KCNH8: variants seen among roughly 807,000 people sequenced by gnomAD.
KCNH8 encodes potassium voltage-gated channel subfamily H member 8, also known as voltage-gated delayed rectifier potassium channel KCNH8.
KCNH8 carries 70 observed loss-of-function variants against 103.6 expected under a neutral mutation model. The observed-to-expected ratio is 0.68, with a 90% CI of 0.56 to 0.82. The LOEUF is 0.82. KCNH8 is among the 40% of genes least tolerant of loss of function. The probability of loss-of-function intolerance (pLI) is 0.00; values close to 1 mark genes in which losing one functional copy is unlikely to be tolerated. For synonymous variants in KCNH8, 498 were observed against 489.4 expected (o/e 1.02, Z -0.23); for missense variants, 1,217 against 1,329.9 (o/e 0.92, Z 1.32).
chr3:19,245,760 G>A (rs1172126466), intron 1 of KCNH8, among the ~76,000 whole-genome samples: 1 of 152,100 alleles, frequency 6.6e-6, no homozygotes, highest in Admixed American at 6.6e-5. Flanking sequence ...TTGGTGTATA[G>A]AAATGGTATT....
At chr3:19,204,641 T>C (rs2063696424) in intron 1 of KCNH8, among the ~76,000 whole-genome samples, 1 of 151,992 alleles carries the variant, frequency 6.6e-6, no homozygotes, top group South Asian at 2.1e-4. Context: ...ATTGTAAATG[T>C]AAAAAAATAT....
At chr3:19,356,848 T>C (rs192660768) in intron 5 of KCNH8, among the ~76,000 whole-genome samples, 2 of 152,034 alleles carry the variant, frequency 1.3e-5, no homozygotes, top group Admixed American at 1.3e-4. Context: ...TCTTTATTTA[T>C]GGCAATGAGG....
chr3:19,503,218 C>G (rs1225868102), intron 11 of KCNH8, among the ~76,000 whole-genome samples: 2 of 151,544 alleles, frequency 1.3e-5, no homozygotes, highest in Non-Finnish European at 2.9e-5. Flanking sequence ...CAAATCAAAA[C>G]CACAATGAGA....
At chr3:19,525,296 A>C (rs940499848) in intron 15 of KCNH8, among the ~76,000 whole-genome samples, 2 of 151,924 alleles carry the variant, frequency 1.3e-5, no homozygotes, top group African/African-American at 4.8e-5. Context: ...ACTGGCATCA[A>C]CTTGAGCTTA....
intron 2 of KCNH8, among the ~76,000 whole-genome samples, chr3:19,265,929 C>T (rs1162903683): frequency 6.6e-6 from 1 of 152,084 alleles, no homozygotes; most frequent in Non-Finnish European, 1.5e-5. Flanking sequence ...TGCTTCCTGA[C>T]ACTGTCTTAG....
chr3:19,311,038 ACCT>A (rs1559471166), intron 3 of KCNH8, among the ~76,000 whole-genome samples: 1 of 151,442 alleles, frequency 6.6e-6, no homozygotes, highest in Non-Finnish European at 1.5e-5. Flanking sequence ...CCAGAAGGTC[ACCT>A]CCTTTCCCGT....
At chr3:19,258,935 CTCTCTCTCTCTCTATATATATATATATA>C (rs1398566568) in intron 2 of KCNH8, among the ~76,000 whole-genome samples, 12 of 83,446 alleles carry the variant, frequency 1.4e-4, no homozygotes, top group Non-Finnish European at 2.5e-5. Flanking sequence ...CTCTCTCTCT[CTCTCTCTCTCTCTATATATATATATATA>C]TATATATATA....
chr3:19,365,844 G>T (rs1022291381), intron 5 of KCNH8, among the ~76,000 whole-genome samples: 3 of 152,032 alleles, frequency 2.0e-5, no homozygotes, highest in Non-Finnish European at 4.4e-5. Flanking sequence ...GCCACGCAAA[G>T]TATAATTGAG....
chr3:19,459,435 C>G (rs903500341), intron 11 of KCNH8, among the ~76,000 whole-genome samples: 3 of 151,610 alleles, frequency 2.0e-5, no homozygotes, highest in Non-Finnish European at 4.4e-5. Context: ...TATTTAATTT[C>G]TTGTTATTGA....
At chr3:19,520,618 CAT>C (rs1329215036) in intron 15 of KCNH8, among the ~76,000 whole-genome samples, 40 of 152,004 alleles carry the variant, frequency 2.6e-4, no homozygotes, top group Admixed American at 1.9e-3. Flanking sequence ...CTACTAGTAA[CAT>C]GTGTCATCAT....
chr3:19,267,459 T>C lies in KCNH8; in HGVS notation c.310+13572T>C, dbSNP rs370701507. On this transcript the variant is annotated intron_variant, in intron 2 of 15. Transcript: ENST00000328405. ...GCAGGATGTTCGAAGGAATTCACATTTTCAGATGCATATTTGAGAAGAAAA... is the reference window on the plus strand; with the variant it reads ...GCAGGATGTTCGAAGGAATTCACATCTTCAGATGCATATTTGAGAAGAAAA... Among the ~76,000 whole-genome samples, 15 of 152,202 alleles carry C rather than the reference T, an allele frequency of 9.9e-5. No homozygotes were observed. In the East Asian group the frequency reaches 1.7e-3, roughly 18 times the overall value.
chr3:19,421,867 C>T (rs142693356), intron 7 of KCNH8, among the ~76,000 whole-genome samples: 5 of 152,152 alleles, frequency 3.3e-5, no homozygotes, highest in African/African-American at 9.6e-5. Flanking sequence ...AATGTATAAT[C>T]TCAATCAGGT....
chr3:19,476,722 T>A (rs17006010), intron 11 of KCNH8, among the ~76,000 whole-genome samples: 6,605 of 152,252 alleles, frequency 0.043, 349 homozygotes, highest in East Asian at 0.26. Context: ...GTCAGTTTTC[T>A]TCACATAATA....
chr3:19,284,086 T>C (rs1559458379), intron 3 of KCNH8, among the ~76,000 whole-genome samples: 1 of 152,054 alleles, frequency 6.6e-6, no homozygotes. Flanking sequence ...AGCTTCCAAA[T>C]AAGTGTTTGA....
intron 3 of KCNH8, among the ~76,000 whole-genome samples, chr3:19,311,535 A>G (rs1166993252): frequency 6.6e-6 from 1 of 151,714 alleles, no homozygotes; most frequent in Admixed American, 6.6e-5. Context: ...TGTCATAGAC[A>G]TTTTTTGCCT....
At chr3:19,511,054 T>C (rs2068774810) in intron 12 of KCNH8, among the ~76,000 whole-genome samples, 1 of 152,172 alleles carries the variant, frequency 6.6e-6, no homozygotes, top group African/African-American at 2.4e-5. Flanking sequence ...TTCAGTTTTG[T>C]TACATAGGTA....
intron 2 of KCNH8, among the ~76,000 whole-genome samples, chr3:19,280,718 G>A (rs746589662): frequency 1.1e-4 from 17 of 152,094 alleles, no homozygotes; most frequent in Non-Finnish European, 2.2e-4. Flanking sequence ...GGCTGTGCAC[G>A]CTCCCCAAAA....
chr3:19,476,658 G>A lies in KCNH8; in HGVS notation c.2040+19676G>A, dbSNP rs1005994052. On this transcript the variant is annotated intron_variant, in intron 11 of 15. Transcript: ENST00000328405. ...TCCCAAATCATTGATTTGGGGCATA[G>A]CTTCTTAAGCTTGAAATCTTTAAAA... is the stretch of plus-strand genomic sequence containing the variant. Among the ~76,000 whole-genome samples, 6 of 152,168 alleles carry A rather than the reference G, an allele frequency of 3.9e-5. No individual in the cohort carries two copies. The East Asian group carries it at 9.7e-4, about 24-fold the overall frequency.
At chr3:19,462,948 ATG>A (rs1407790529) in intron 11 of KCNH8, among the ~76,000 whole-genome samples, 3 of 152,208 alleles carry the variant, frequency 2.0e-5, no homozygotes, top group African/African-American at 4.8e-5. Flanking sequence ...TCAAAGATAG[ATG>A]TGTGAGATTC....
Sources: gnomAD v4.1 joint callset for allele counts (sites outside exome capture counted in the v4.1 genomes callset) on GRCh38, gnomAD v4.1.1 for gene constraint, MANE v1.5 for transcripts, NCBI Gene and HGNC (gene_info 2026-07-23, HGNC 2026-07-21) for gene names.